The following DCLK1 variants were observed in gnomAD, a reference collection of about 807,000 sequenced individuals.
DCLK1 encodes the protein serine/threonine-protein kinase DCLK1.
DCLK1 carries 16 observed loss-of-function variants against 86.2 expected under a neutral mutation model. The observed-to-expected ratio is 0.19, with a 90% CI of 0.13 to 0.28. DCLK1 has a LOEUF of 0.28. DCLK1 is among the 10% of genes least tolerant of loss of function. DCLK1 has a pLI of 1.00. For synonymous variants in DCLK1, 369 were observed against 370.5 expected, an observed-to-expected ratio of 1.00 and a Z score of 0.05; for missense variants, 590 against 940.2, an observed-to-expected ratio of 0.63 and a Z score of 4.87.
chr13:35,863,220 C>T lies in DCLK1; in HGVS notation c.940+8004G>A, dbSNP rs114511728. On this transcript the variant is annotated intron_variant, in intron 5 of 16. Transcript: ENST00000360631. ...TTGCCTAATAACACATTTCTTGGAA[C>T]ACATCCCCATCATCAAGCAACACAT... Among the ~76,000 whole-genome samples the T allele has an allele frequency of 3.0e-3, 450 of 152,324 alleles. 1 individual carries two copies. The highest frequency in any genetic ancestry group is 0.01 in the African/African-American group (431 of 41,572).
chr13:36,122,480 AAAG>A (rs1886026054), intron 2 of DCLK1, among the ~76,000 whole-genome samples: 2 of 152,222 alleles, frequency 1.3e-5, no homozygotes, highest in African/African-American at 2.4e-5. Context: ...TAAGATGTTA[AAAG>A]AAGGACAAAT....
chr13:35,999,429 G>C (rs1001646562), intron 3 of DCLK1, among the ~76,000 whole-genome samples: 3 of 152,132 alleles, frequency 2.0e-5, no homozygotes, highest in Admixed American at 6.6e-5. Flanking sequence ...TGTGTTTCTT[G>C]AGATTATAGT....
At chr13:36,050,273 T>G (rs2153157015) in intron 3 of DCLK1, among the ~76,000 whole-genome samples, 1 of 152,318 alleles carries the variant, frequency 6.6e-6, no homozygotes, top group Non-Finnish European at 1.5e-5. Flanking sequence ...ATCATATTTC[T>G]TAGTCAACCT....
chr13:36,069,507 A>G (rs1297969911), intron 3 of DCLK1, among the ~76,000 whole-genome samples: 1 of 152,174 alleles, frequency 6.6e-6, no homozygotes, highest in Non-Finnish European at 1.5e-5. Context: ...GCTTGCTCAT[A>G]AGGCAACTTT....
At chr13:36,118,481 GATACA>G (rs1273942799) in intron 2 of DCLK1, among the ~76,000 whole-genome samples, 1 of 152,072 alleles carries the variant, frequency 6.6e-6, no homozygotes, top group Admixed American at 6.6e-5. Flanking sequence ...CACCACAATA[GATACA>G]ATTAGAAGGG....
At chr13:35,911,981 A>G (rs1242073524) in intron 4 of DCLK1, among the ~76,000 whole-genome samples, 1 of 152,164 alleles carries the variant, frequency 6.6e-6, no homozygotes, top group Non-Finnish European at 1.5e-5. Flanking sequence ...CATCTCTCCA[A>G]CCATGCTTCC....
intron 6 of DCLK1, among the ~76,000 whole-genome samples, chr13:35,853,407 G>A (rs1250554737): frequency 6.6e-6 from 1 of 152,104 alleles, no homozygotes. Flanking sequence ...CTGATGCCAG[G>A]TGAATCAGTG....
chr13:36,035,143 TTG>T (rs1882437874), intron 3 of DCLK1, among the ~76,000 whole-genome samples: 1 of 152,150 alleles, frequency 6.6e-6, no homozygotes, highest in South Asian at 2.1e-4. Flanking sequence ...TTGTCTGCTA[TTG>T]TGTCTCTCCC....
At chr13:35,789,383 A>G (rs540466047) in intron 16 of DCLK1, among the ~76,000 whole-genome samples, 1 of 152,360 alleles carries the variant, frequency 6.6e-6, no homozygotes, top group Admixed American at 6.5e-5. Context: ...TGCAATGTGA[A>G]GTTTTAATCT....
At chr13:35,788,711 T>A (rs1046202451) in intron 16 of DCLK1, among the ~76,000 whole-genome samples, 1 of 152,200 alleles carries the variant, frequency 6.6e-6, no homozygotes, top group Admixed American at 6.5e-5. Context: ...TTCATAACTA[T>A]GAAATGAAAG....
At chr13:35,959,029 G>A (rs1388720142) in intron 3 of DCLK1, among the ~76,000 whole-genome samples, 2 of 152,144 alleles carry the variant, frequency 1.3e-5, no homozygotes, top group Non-Finnish European at 2.9e-5. Context: ...CAAAATGAAA[G>A]CTTGGTTTCA....
chr13:36,066,583 G>A (rs546043376), intron 3 of DCLK1, among the ~76,000 whole-genome samples: 2 of 152,166 alleles, frequency 1.3e-5, no homozygotes, highest in East Asian at 3.9e-4. Flanking sequence ...AAGAACCTGT[G>A]CTACAGCTAA....
At position 36,045,103 on chromosome 13, in the gene DCLK1, G is replaced by A. The variant is rs142511050; in HGVS notation, c.723+66766C>T. Reference sequence around the variant, plus strand: ...TCATGACTTTTTTCAAAATTATACTGTGGAAATTTTCAAACATGCAATAAA... The same window carrying A: ...TCATGACTTTTTTCAAAATTATACTATGGAAATTTTCAAACATGCAATAAA... On this transcript the variant is annotated intron_variant, in intron 3 of 16. Coordinates refer to ENST00000360631, the MANE Select transcript of DCLK1 (RefSeq NM_001330071.2). Among the ~76,000 whole-genome samples the A allele has an allele frequency of 5.5e-3, 831 of 150,868 alleles. 6 individuals are homozygous for A. Among genetic ancestry groups the A allele is most frequent in the African/African-American group, 0.016 (675 of 41,190 alleles).
At chr13:35,921,353 G>C (rs534933815) in intron 4 of DCLK1, among the ~76,000 whole-genome samples, 1 of 151,816 alleles carries the variant, frequency 6.6e-6, no homozygotes, top group Admixed American at 6.6e-5. Flanking sequence ...CCACCTGCCC[G>C]GCCACAACAC....
Position 36,052,834 on chromosome 13 carries a change from G to A in DCLK1, c.723+59035C>T, listed in dbSNP as rs560006232. 1.4e-3 allele frequency among the ~76,000 whole-genome samples: 207 copies of A among 152,230 alleles called. 1 individual carries two copies. The highest frequency in any genetic ancestry group is 2.3e-3 in the South Asian group (11 of 4,826). ...ATAGAAGCTAGCCTGTAGGAGAGAC[G>A]TCTATGAACCCCTAGACAAACCACA... On this transcript the variant is annotated intron_variant, in intron 3 of 16. Coordinates refer to ENST00000360631, the MANE Select transcript of DCLK1 (RefSeq NM_001330071.2).
chr13:35,964,117 C>T (rs937223522), intron 3 of DCLK1, among the ~76,000 whole-genome samples: 1 of 152,074 alleles, frequency 6.6e-6, no homozygotes, highest in Non-Finnish European at 1.5e-5. Flanking sequence ...CAATAAAATC[C>T]TCTTGTATCA....
intron 14 of DCLK1, among the ~76,000 whole-genome samples, chr13:35,807,291 T>G (rs1188871720): frequency 6.6e-6 from 1 of 152,216 alleles, no homozygotes; most frequent in East Asian, 1.9e-4. Context: ...TGACATTCAG[T>G]GCATTCACAT....
At chr13:36,111,786 A>C in intron 3 of DCLK1, 83 bp downstream of exon 3, 1 of 1,302,626 alleles carries the variant, frequency 7.7e-7, no homozygotes. Flanking sequence ...AACTTGAGCA[A>C]AATGTATGCT....
chr13:35,842,513 CA>C (rs11350271), intron 6 of DCLK1, among the ~76,000 whole-genome samples: 32,445 of 148,544 alleles, frequency 0.22, 3,604 homozygotes, highest in Admixed American at 0.3. Context: ...TCTCCAAAAA[CA>C]AAAAAAAAAC....
Sources: gnomAD v4.1 joint callset for allele counts (sites outside exome capture counted in the v4.1 genomes callset) on GRCh38, gnomAD v4.1.1 for gene constraint, MANE v1.5 for transcripts, NCBI Gene and HGNC (gene_info 2026-07-23, HGNC 2026-07-21) for gene names.